Variants in TOM1L2 observed in about 807,000 individuals in gnomAD.
TOM1L2 encodes the protein TOM1-like protein 2.
A neutral mutation model predicts 67.9 loss-of-function variants in TOM1L2; 31 were observed. The ratio of observed to expected loss-of-function variants is 0.46; its 90% CI spans 0.34 to 0.62. TOM1L2 has a LOEUF of 0.62. Among genes scored for constraint, TOM1L2 ranks in the 20% least tolerant of loss-of-function variants. The pLI is 0.01. For synonymous variants in TOM1L2, 256 were observed against 254.0 expected, an observed-to-expected ratio of 1.01 and a Z score of -0.07; for missense variants, 606 against 663.5, an observed-to-expected ratio of 0.91 and a Z score of 0.95.
chr17:17,877,886 A>AAAAAAATCCC (rs1010347360), intron 7 of TOM1L2, among the ~76,000 whole-genome samples: 12 of 151,864 alleles, frequency 7.9e-5, no homozygotes, highest in Non-Finnish European at 1.3e-4. Context: ...TTAAAAAAAA[A>AAAAAAATCCC]AAAAAATCCC....
At chr17:17,882,616 C>T (rs1436022526) in intron 6 of TOM1L2, 89 bp downstream of exon 6, 7 of 1,543,198 alleles carry the variant, frequency 4.5e-6, no homozygotes, top group African/African-American at 2.7e-5. Context: ...AGCACAATAC[C>T]TGGCTTGGGA....
intron 12 of TOM1L2, among the ~76,000 whole-genome samples, chr17:17,853,666 C>T (rs2036114541): frequency 2.0e-5 from 3 of 152,202 alleles, no homozygotes; most frequent in Admixed American, 6.5e-5. Context: ...CTAGAGGGCA[C>T]GCTGAGGAGA....
chr17:17,869,497 G>A (rs372942406), intron 7 of TOM1L2, 24 bp from the exon 8 acceptor site: 4 of 1,574,428 alleles, frequency 2.5e-6, no homozygotes, highest in Middle Eastern at 2.2e-4. Context: ...GCACCTCTGG[G>A]TAGCCTGCTG....
At chr17:17,904,122 T>A (rs970289262) in intron 2 of TOM1L2, among the ~76,000 whole-genome samples, 1 of 152,194 alleles carries the variant, frequency 6.6e-6, no homozygotes, top group Non-Finnish European at 1.5e-5. Context: ...CATGAGCCAC[T>A]GCACCTTGCT....
intron 1 of TOM1L2, among the ~76,000 whole-genome samples, chr17:17,914,085 G>C (rs1281648845): frequency 2.6e-5 from 4 of 152,230 alleles, no homozygotes; most frequent in Admixed American, 1.3e-4. Context: ...GAGGCTGCTG[G>C]ATTTATGGCT....
At chr17:17,927,070 A>G (rs2040120449) in intron 1 of TOM1L2, among the ~76,000 whole-genome samples, 1 of 152,222 alleles carries the variant, frequency 6.6e-6, no homozygotes, top group Admixed American at 6.5e-5. Context: ...TTGCCAAGGG[A>G]AACATGCAAA....
At chr17:17,873,930 C>T (rs950329696) in intron 7 of TOM1L2, among the ~76,000 whole-genome samples, 3 of 152,020 alleles carry the variant, frequency 2.0e-5, no homozygotes, top group Non-Finnish European at 2.9e-5. Context: ...GAAAAGGTTC[C>T]ATACTTTATT....
At chr17:17,916,456 A>C (rs570408502) in intron 1 of TOM1L2, among the ~76,000 whole-genome samples, 6 of 152,272 alleles carry the variant, frequency 3.9e-5, no homozygotes, top group African/African-American at 1.4e-4. Flanking sequence ...ATATGGTATA[A>C]GATAATGGTC....
At chr17:17,954,860 CA>C (rs373999990) in intron 1 of TOM1L2, among the ~76,000 whole-genome samples, 6 of 152,244 alleles carry the variant, frequency 3.9e-5, no homozygotes, top group African/African-American at 1.4e-4. Context: ...TGAAAACAAA[CA>C]AAAAACTCTC....
chr17:17,951,771 G>A (rs757780708), intron 1 of TOM1L2, among the ~76,000 whole-genome samples: 11 of 152,154 alleles, frequency 7.2e-5, no homozygotes, highest in Admixed American at 2.0e-4. Flanking sequence ...GAAGTTAGCC[G>A]AAGGCAACTT....
chr17:17,930,444 A>C lies in TOM1L2; in HGVS notation c.53-22913T>G, dbSNP rs78804231. ...AGGACTGCAGAGACCCTCACGGTAG[A>C]CAGACACCTGGCAGGCCCCTCCTGA... On this transcript the variant is annotated intron_variant, in intron 1 of 14. Coordinates refer to ENST00000379504, the MANE Select transcript of TOM1L2 (RefSeq NM_001082968.2). Among the ~76,000 whole-genome samples, 282 of 152,262 alleles carry C rather than the reference A, an allele frequency of 1.9e-3. 1 individual carries two copies. The highest frequency in any genetic ancestry group is 6.4e-3 in the African/African-American group (266 of 41,552).
chr17:17,871,166 C>T (rs758591917), intron 7 of TOM1L2, among the ~76,000 whole-genome samples: 36 of 150,974 alleles, frequency 2.4e-4, no homozygotes, highest in Non-Finnish European at 3.8e-4. Flanking sequence ...GTCAGGAGAT[C>T]GAGACCATCC....
At chr17:17,928,402 G>C (rs8073001) in intron 1 of TOM1L2, among the ~76,000 whole-genome samples, 1 of 152,104 alleles carries the variant, frequency 6.6e-6, no homozygotes, top group African/African-American at 2.4e-5. Context: ...AGTGGAAATC[G>C]GCATAGGAAT....
In TOM1L2 at chr17:17,931,159, G is replaced by C. The variant is rs75499446; in HGVS notation, c.53-23628C>G. Among the ~76,000 whole-genome samples, 332 of 152,080 alleles carry C rather than the reference G, an allele frequency of 2.2e-3. 11 individuals carry two copies. The East Asian group carries it at 0.063, about 29-fold the overall frequency. On this transcript the variant is annotated intron_variant, in intron 1 of 14. Coordinates refer to ENST00000379504, the MANE Select transcript of TOM1L2 (RefSeq NM_001082968.2). ...AAGAACTACACATTCAACCAAACCAGACTCCTCTTTCCAAGAACACATCCC... is the reference window on the plus strand; with the variant it reads ...AAGAACTACACATTCAACCAAACCACACTCCTCTTTCCAAGAACACATCCC...
At chr17:17,932,785 T>C (rs1006747037) in intron 1 of TOM1L2, among the ~76,000 whole-genome samples, 3 of 152,188 alleles carry the variant, frequency 2.0e-5, no homozygotes, top group African/African-American at 7.2e-5. Context: ...TCCCATTTTA[T>C]TGTGCACCCG....
intron 2 of TOM1L2, among the ~76,000 whole-genome samples, chr17:17,902,424 TTCA>T (rs2038898422): frequency 6.6e-6 from 1 of 152,230 alleles, no homozygotes; most frequent in Non-Finnish European, 1.5e-5. Context: ...CAGGCAGCAC[TTCA>T]GTGGCTGCGG....
intron 12 of TOM1L2, among the ~76,000 whole-genome samples, chr17:17,854,030 C>T (rs1444479242): frequency 6.6e-6 from 1 of 152,198 alleles, no homozygotes; most frequent in Non-Finnish European, 1.5e-5. Flanking sequence ...AGCCACTTGG[C>T]CTCAGGGCGT....
intron 6 of TOM1L2, among the ~76,000 whole-genome samples, chr17:17,881,422 C>T (rs1225038453): frequency 2.0e-5 from 3 of 152,192 alleles, no homozygotes; most frequent in Non-Finnish European, 4.4e-5. Context: ...CCAGCATCTT[C>T]TGGCTACTAG....
intron 8 of TOM1L2, among the ~76,000 whole-genome samples, 165 bp from the exon 9 acceptor site, chr17:17,867,089 T>C (rs2036892505): frequency 1.3e-5 from 2 of 152,032 alleles, no homozygotes; most frequent in Admixed American, 1.3e-4. Context: ...GCTTCCTCTG[T>C]GTGGGGCTCC....
Sources: allele counts gnomAD v4.1 joint callset (sites outside exome capture counted in the v4.1 genomes callset), GRCh38; gene constraint gnomAD v4.1.1; transcripts MANE v1.5; gene names NCBI Gene and HGNC (gene_info 2026-07-23, HGNC 2026-07-21).